CLK2: variants seen among roughly 807,000 people sequenced by gnomAD.
CLK2 encodes CDC like kinase 2, also known as dual specificity protein kinase CLK2.
Under a neutral mutation model 73.5 loss-of-function variants are expected in CLK2, and 12 were observed. The observed-to-expected ratio is 0.16, with a 90% CI of 0.10 to 0.26. The LOEUF (loss-of-function observed/expected upper bound fraction) is 0.26, where lower values mean the gene tolerates loss of function less well. Ranked by LOEUF, CLK2 falls within the 10% of genes least tolerant of loss-of-function variation. The pLI, the probability that CLK2 is intolerant of heterozygous loss-of-function variation, is 1.00. For missense variants in CLK2, 509 were observed against 688.4 expected (o/e 0.74, Z 2.92); for synonymous variants, 232 against 237.9 (o/e 0.98, Z 0.23).
intron 2 of CLK2, among the ~76,000 whole-genome samples, 173 bp downstream of exon 2, chr1:155,270,635 T>C (rs1190641395): frequency 6.6e-6 from 1 of 152,260 alleles, no homozygotes; most frequent in Non-Finnish European, 1.5e-5. Flanking sequence ...TTCCTCATTA[T>C]GTATTCTAAC....
In CLK2 at chr1:155,268,939, C is replaced by G; in HGVS notation, c.400-144G>C. ...TGATGGGGGACAGTGGAAGGGAACA[C>G]GTCAGATGCAGTAAGGTGGATCGGT... is the stretch of plus-strand genomic sequence containing the variant. On this transcript the variant is annotated intron_variant, in intron 3 of 12. Transcript: ENST00000368361. The surrounding 1 kb of genome is among the most constrained non-coding windows in gnomAD (Gnocchi z 5.6). 2 of 656,550 alleles carry G rather than the reference C, an allele frequency of 3.0e-6. No homozygotes were observed. The highest frequency in any genetic ancestry group is 5.5e-6 in the Non-Finnish European group (2 of 361,848). The allele number at this position is 656,550 out of a possible 1,614,324, so 40.7% of individuals were successfully genotyped here. A position where few individuals can be genotyped will look rare whatever the true frequency, so the allele number is the denominator to read the frequency against.
Position 155,268,003 on chromosome 1 carries a change from T to C in CLK2, c.671+7A>G. 1 of 1,604,510 alleles carries C rather than the reference T, an allele frequency of 6.2e-7. No homozygotes were observed. Among genetic ancestry groups the C allele is most frequent in the Non-Finnish European group, 8.5e-7 (1 of 1,171,418 alleles). On this transcript the variant is annotated splice_region_variant and intron_variant, in intron 6 of 12. Transcript: ENST00000368361. This position sits in a 1 kb window ranked among gnomAD's most constrained non-coding sequence, Gnocchi z 5.6. ...CAGCCTCCCTACATACTTCCTTGCT[T>C]GCTTACTTCTTGTTGTCAGGGTCTT...
chr1:155,271,823 T>C (rs1406150158), intron 1 of CLK2, among the ~76,000 whole-genome samples: 4 of 152,178 alleles, frequency 2.6e-5, no homozygotes, highest in Non-Finnish European at 5.9e-5. Context: ...TTTCTACATA[T>C]ACCAGGTAAA....
At position 155,262,955 on chromosome 1, in the gene CLK2, T is replaced by G; in HGVS notation, c.*263A>C. On this transcript the variant is annotated 3_prime_UTR_variant, in exon 13 of 13. Transcript: ENST00000368361. ...ATGGGGTAGATGCCACCTGGTTACC[T>G]CACTCGGCCCCCATCCAACTCCGTA... The G allele has an allele frequency of 5.0e-6, 2 of 400,034 alleles. No homozygotes were observed. The highest frequency in any genetic ancestry group is 7.4e-5 in the East Asian group (2 of 26,880). The allele number at this position is 400,034 out of a possible 1,614,324, so 24.8% of individuals were successfully genotyped here.
intron 6 of CLK2, among the ~76,000 whole-genome samples, chr1:155,267,221 T>C (rs1194375930): frequency 6.6e-6 from 1 of 152,176 alleles, no homozygotes; most frequent in Non-Finnish European, 1.5e-5. Context: ...GCCTTCCAAG[T>C]AGCTGGGACT....
chr1:155,263,993 G>T lies in CLK2; in HGVS notation c.1274C>A (p.Thr425Lys). ...CTCACGAACATAGCGCCCAGCTGAT[G>T]TGTTCTCATCCCAATCCAGGCGACC... ...YRGRLDWDEN[T>K]SAGRYVRENC... is the part of the protein sequence containing the mutation. Residue 425 changes from threonine to lysine, a missense_variant, in exon 12 of 13, where the codon ACA (threonine) becomes AAA (lysine). Thr to Lys is a moderately conservative substitution (Grantham distance 78, BLOSUM62 -1). Coordinates refer to ENST00000368361, the MANE Select transcript of CLK2 (RefSeq NM_001294338.2). 6.2e-7 allele frequency: 1 copy of T among 1,614,192 alleles called. No individual in the cohort carries two copies.
chr1:155,263,436 TG>T, intron 12 of CLK2, 36 bp from the exon 13 acceptor site: 1 of 1,611,660 alleles, frequency 6.2e-7, no homozygotes, highest in Non-Finnish European at 8.5e-7. Context: ...TGAGGCAGGA[TG>T]CCTTACAAAC....
At position 155,268,190 on chromosome 1, in the gene CLK2, T is replaced by C. The variant is rs1673322926; in HGVS notation, c.555-64A>G. ...GAATGTCTCAAAATGAACAGGGCTG[T>C]AGGGGGACTAAGAAATTCTACCTCA... On this transcript the variant is annotated intron_variant, in intron 5 of 12. Transcript: ENST00000368361. This position sits in a 1 kb window ranked among gnomAD's most constrained non-coding sequence, Gnocchi z 5.6. 1.9e-6 allele frequency: 3 copies of C among 1,557,518 alleles called. No individual in the cohort carries two copies. The highest frequency in any genetic ancestry group is 1.4e-5 in the African/African-American group (1 of 73,636).
intron 10 of CLK2, 21 bp downstream of exon 10, chr1:155,264,447 G>A (rs1673133371): frequency 1.9e-6 from 3 of 1,612,902 alleles, no homozygotes; most frequent in African/African-American, 1.3e-5. Flanking sequence ...AGGCAGTCAA[G>A]TAAGACATCC....
In CLK2 at chr1:155,263,298, G is replaced by C. The variant is rs1428863605; in HGVS notation, c.1420C>G (p.Leu474Val). 6.2e-7 allele frequency: 1 copy of C among 1,614,192 alleles called. No homozygotes were observed. Among genetic ancestry groups the C allele is most frequent in the Non-Finnish European group, 8.5e-7 (1 of 1,180,046 alleles). The change falls in exon 13 of 13, where the codon CTT becomes GTT. Residue 474 changes from leucine to valine, a missense_variant. Transcript: ENST00000368361. Reference sequence around the variant, plus strand: ...AGGCGGGCGAAGAAAGGATGCTGAAGGGCTTCACCCAAGGTCAGCCGCTTA... The same window carrying C: ...AGGCGGGCGAAGAAAGGATGCTGAACGGCTTCACCCAAGGTCAGCCGCTTA... ...PAKRLTLGEA[L>V]QHPFFARLRA...
Position 155,270,906 on chromosome 1 carries a change from G to T in CLK2, c.72C>A (p.Ser24Arg), listed in dbSNP as rs765032461. Residue 24 changes from serine (S) to arginine (R), a missense_variant, in exon 2 of 13, where the codon AGC (serine) becomes AGA (arginine). Transcript: ENST00000368361. Reference protein sequence around the residue: ...SRGSYREHYRSRKHKRRRSRS... With the variant: ...SRGSYREHYRRRKHKRRRSRS... ...GACTTCTTCGTCGCTTATGCTTTCG[G>T]CTCCGATAGTGTTCACGGTAACTCC... is the stretch of plus-strand genomic sequence containing the variant. 1 of 1,614,164 alleles carries T rather than the reference G, an allele frequency of 6.2e-7. No homozygotes were observed. The highest frequency in any genetic ancestry group is 8.5e-7 in the Non-Finnish European group (1 of 1,180,032).
At position 155,269,502 on chromosome 1, in the gene CLK2, T is replaced by G; in HGVS notation, c.385A>C (p.Ser129Arg). ...CTGGCACTCACCGAAGATGAGCGGC[T>G]AAATGTCCGGCTGCGCCTCCTCCGC... The part of the protein sequence containing the change: ...RRRRRRSRTF[S>R]RSSSQHSSRR... The change falls in exon 3 of 13, where the codon AGC becomes CGC. Residue 129 changes from serine to arginine, a missense_variant. This residue lies in a region of CLK2 where 222 missense variants were observed against 221.7 expected (regional missense o/e 1.00). Transcript: ENST00000368361. 1 of 1,613,876 alleles carries G rather than the reference T, an allele frequency of 6.2e-7. No homozygotes were observed. Among genetic ancestry groups the G allele is most frequent in the Non-Finnish European group, 8.5e-7 (1 of 1,180,030 alleles).
intron 12 of CLK2, 172 bp downstream of exon 12, chr1:155,263,778 C>T (rs1014750310): frequency 1.2e-5 from 11 of 932,292 alleles, no homozygotes; most frequent in Non-Finnish European, 1.4e-5. Flanking sequence ...TCCTTCCCTC[C>T]ACAAAACCAC....
At position 155,269,603 on chromosome 1, in the gene CLK2, T is replaced by C. The variant is rs779725189; in HGVS notation, c.284A>G (p.Tyr95Cys). 14 of 1,614,090 alleles carry C rather than the reference T, an allele frequency of 8.7e-6. No homozygotes were observed. The highest frequency in any genetic ancestry group is 1.1e-5 in the South Asian group (1 of 91,090). ...CCGCTGATATTCATAGGAATGCCGA[T>C]AGTCTGTGTCATAGTAGGCATCTCC... ...DRGDAYYDTDYRHSYEYQREN... is the reference protein window; with the variant it reads ...DRGDAYYDTDCRHSYEYQREN... The change falls in exon 3 of 13, where the codon TAT becomes TGT. Residue 95 changes from tyrosine (Y) to cysteine (C), a missense_variant. Physicochemically the swap from Tyr to Cys is radical, Grantham distance 194. This residue lies in a region of CLK2 where 222 missense variants were observed against 221.7 expected (regional missense o/e 1.00). Transcript: ENST00000368361.
chr1:155,265,211 C>G (rs760081), intron 8 of CLK2, among the ~76,000 whole-genome samples: 1 of 152,120 alleles, frequency 6.6e-6, no homozygotes, highest in Admixed American at 6.6e-5. Flanking sequence ...TCTGAGATCT[C>G]CATTATCTCC....
intron 8 of CLK2, 101 bp downstream of exon 8, chr1:155,265,759 G>T: frequency 1.2e-6 from 1 of 816,944 alleles, no homozygotes. Context: ...GAGAAAATGT[G>T]GGAGGACGAA....
At chr1:155,272,022 T>TTC (rs1474328159) in intron 1 of CLK2, among the ~76,000 whole-genome samples, 2 of 151,538 alleles carry the variant, frequency 1.3e-5, no homozygotes, top group Non-Finnish European at 2.9e-5. Flanking sequence ...TTGTGTTTTT[T>TTC]TTTTTTTTTT....
chr1:155,271,131 A>G (rs1673483999), intron 1 of CLK2, among the ~76,000 whole-genome samples, 154 bp from the exon 2 acceptor site: 1 of 152,178 alleles, frequency 6.6e-6, no homozygotes, highest in Admixed American at 6.6e-5. Flanking sequence ...CTGTACTTAC[A>G]ATTCCTCCTT....
Position 155,264,010 on chromosome 1 carries a change from C to T in CLK2, c.1257G>A (p.Leu419=). ...CAGCTGATGTGTTCTCATCCCAATC[C>T]AGGCGACCCCGGTAAAAATATTTCT... ...RKQKYFYRGR[L]DWDENTSAGR... Residue 419 remains leucine (L), a synonymous_variant, in exon 12 of 13, where the codon CTG becomes CTA. Transcript: ENST00000368361. 1 of 1,614,192 alleles carries T rather than the reference C, an allele frequency of 6.2e-7. No individual in the cohort carries two copies. The highest frequency in any genetic ancestry group is 1.1e-5 in the South Asian group (1 of 91,082).
Sources: allele counts gnomAD v4.1 joint callset (sites outside exome capture counted in the v4.1 genomes callset), GRCh38; gene constraint gnomAD v4.1.1; regional missense constraint gnomAD v4.1.1; non-coding constraint Gnocchi (gnomAD v3.1); transcripts MANE v1.5; gene names NCBI Gene and HGNC (gene_info 2026-07-23, HGNC 2026-07-21).